The following CWF19L2 variants were observed in gnomAD, a reference collection of about 807,000 sequenced individuals.
CWF19L2 encodes the protein CWF19-like protein 2.
CWF19L2 carries 98 observed loss-of-function variants against 111.7 expected under a neutral mutation model. The ratio of observed to expected loss-of-function variants is 0.88; its 90% confidence interval spans 0.75 to 1.04. The LOEUF (loss-of-function observed/expected upper bound fraction) is 1.04. CWF19L2 is among the 50% of genes least tolerant of loss of function. The pLI is 0.00. For missense variants in CWF19L2, 1,101 were observed against 1,051.4 expected (o/e 1.05, Z -0.65); for synonymous variants, 351 against 342.9 (o/e 1.02, Z -0.26).
intron 10 of CWF19L2, among the ~76,000 whole-genome samples, chr11:107,398,677 C>T (rs1860957779): frequency 6.6e-6 from 1 of 152,174 alleles, no homozygotes; most frequent in African/African-American, 2.4e-5. Flanking sequence ...ACAAGAAGCA[C>T]AAAGAATACC....
chr11:107,445,054 T>C (rs1375435255), intron 3 of CWF19L2, among the ~76,000 whole-genome samples: 1 of 152,074 alleles, frequency 6.6e-6, no homozygotes, highest in Non-Finnish European at 1.5e-5. Flanking sequence ...ATTTCTGTCA[T>C]GAGAAATAGA....
chr11:107,425,564 T>C (rs1348271191), intron 8 of CWF19L2, among the ~76,000 whole-genome samples: 2 of 151,904 alleles, frequency 1.3e-5, no homozygotes, highest in Non-Finnish European at 2.9e-5. Flanking sequence ...TAATAATGAA[T>C]CTGCCTAATG....
chr11:107,410,145 C>T (rs1203688672), intron 10 of CWF19L2, among the ~76,000 whole-genome samples: 4 of 152,132 alleles, frequency 2.6e-5, no homozygotes, highest in African/African-American at 4.8e-5. Context: ...GAATTCTTCG[C>T]TGTTCAAGCG....
At chr11:107,449,248 A>G (rs1167166390) in intron 3 of CWF19L2, among the ~76,000 whole-genome samples, 1 of 152,014 alleles carries the variant, frequency 6.6e-6, no homozygotes, top group Admixed American at 6.5e-5. Context: ...TAAAAGAAAA[A>G]AAGAATGAAG....
intron 12 of CWF19L2, among the ~76,000 whole-genome samples, chr11:107,371,582 A>ATC (rs5794545): frequency 0.43 from 58,428 of 136,104 alleles, 19,482 homozygotes; most frequent in African/African-American, 0.67. Context: ...TTTGTTAAAC[A>ATC]TGAGGTTCTA....
chr11:107,380,214 T>C (rs1183507919), intron 12 of CWF19L2, among the ~76,000 whole-genome samples: 3 of 152,026 alleles, frequency 2.0e-5, no homozygotes, highest in South Asian at 4.1e-4. Context: ...CAATGAAAAA[T>C]AGACTGCAGT....
intron 10 of CWF19L2, among the ~76,000 whole-genome samples, chr11:107,395,614 A>G (rs1042930189): frequency 1.3e-5 from 2 of 152,220 alleles, no homozygotes; most frequent in African/African-American, 2.4e-5. Context: ...AAGCATTTTC[A>G]CACAGTATAC....
At chr11:107,371,737 T>C (rs1351350570) in intron 12 of CWF19L2, among the ~76,000 whole-genome samples, 1 of 137,106 alleles carries the variant, frequency 7.3e-6, no homozygotes, top group East Asian at 2.1e-4. Context: ...GTAACCACAG[T>C]TCTAGATGAT....
chr11:107,384,735 T>C (rs542757176), intron 12 of CWF19L2, among the ~76,000 whole-genome samples: 5 of 152,310 alleles, frequency 3.3e-5, no homozygotes, highest in East Asian at 1.9e-4. Flanking sequence ...GTGCTGGTAA[T>C]TGCAACAGAA....
chr11:107,374,877 T>C (rs1860574494), intron 12 of CWF19L2, among the ~76,000 whole-genome samples: 1 of 151,474 alleles, frequency 6.6e-6, no homozygotes, highest in African/African-American at 2.4e-5. Context: ...AGGAAACCCA[T>C]CTCACGGGCA....
chr11:107,453,550 C>T (rs476028), intron 3 of CWF19L2, among the ~76,000 whole-genome samples: 26,212 of 151,850 alleles, frequency 0.17, 2,442 homozygotes, highest in Middle Eastern at 0.27. Flanking sequence ...GGGTACTACA[C>T]TGTGGCCTTC....
intron 12 of CWF19L2, among the ~76,000 whole-genome samples, chr11:107,387,738 T>C (rs552427281): frequency 7.9e-5 from 12 of 152,260 alleles, no homozygotes; most frequent in African/African-American, 2.9e-4. Context: ...TAATTCACAA[T>C]AGGGTTCATG....
chr11:107,383,977 A>G (rs929452708), intron 12 of CWF19L2, among the ~76,000 whole-genome samples: 1 of 152,162 alleles, frequency 6.6e-6, no homozygotes, highest in African/African-American at 2.4e-5. Context: ...TTTCATAGCT[A>G]TTTATTTAGT....
intron 12 of CWF19L2, among the ~76,000 whole-genome samples, chr11:107,379,917 C>T (rs1591173713): frequency 6.6e-6 from 1 of 151,542 alleles, no homozygotes; most frequent in East Asian, 1.9e-4. Flanking sequence ...AAAAATTAGC[C>T]GGGCATGGTT....
At chr11:107,447,215 A>C (rs1413826618) in intron 3 of CWF19L2, among the ~76,000 whole-genome samples, 5 of 152,216 alleles carry the variant, frequency 3.3e-5, no homozygotes, top group Non-Finnish European at 5.9e-5. Flanking sequence ...GGGGTAACCC[A>C]AGCAGAACAT....
intron 8 of CWF19L2, 150 bp from the exon 9 acceptor site, chr11:107,418,437 T>C (rs1393929932): frequency 3.2e-6 from 2 of 625,860 alleles, no homozygotes; most frequent in Non-Finnish European, 2.9e-6. Flanking sequence ...TTAAACTCAA[T>C]ATTTTTCCAC....
At chr11:107,419,182 C>T (rs1029938096) in intron 8 of CWF19L2, among the ~76,000 whole-genome samples, 27 of 152,148 alleles carry the variant, frequency 1.8e-4, no homozygotes, top group Non-Finnish European at 1.5e-5. Flanking sequence ...ACTAGCTAGA[C>T]TAGGAAATCA....
At chr11:107,411,903 A>G (rs1295124512) in intron 10 of CWF19L2, among the ~76,000 whole-genome samples, 1 of 152,228 alleles carries the variant, frequency 6.6e-6, no homozygotes, top group Non-Finnish European at 1.5e-5. Context: ...TCAAAAGATC[A>G]AAATGGCACA....
At chr11:107,436,986 A>C (rs1861550022) in intron 6 of CWF19L2, among the ~76,000 whole-genome samples, 1 of 152,214 alleles carries the variant, frequency 6.6e-6, no homozygotes, top group Non-Finnish European at 1.5e-5. Flanking sequence ...AAAATATGAC[A>C]AAATAATTTT....
Sources: gnomAD v4.1 joint callset for allele counts (sites outside exome capture counted in the v4.1 genomes callset) on GRCh38, gnomAD v4.1.1 for gene constraint, MANE v1.5 for transcripts, NCBI Gene and HGNC (gene_info 2026-07-23, HGNC 2026-07-21) for gene names.